The following TMEM132D variants were observed in gnomAD, a reference collection of about 807,000 sequenced individuals.
The protein encoded by TMEM132D is transmembrane protein 132D.
In TMEM132D, 21 loss-of-function variants were observed where a neutral mutation model predicts 62.3. The ratio of observed to expected loss-of-function variants is 0.34; its 90% CI spans 0.24 to 0.49. The LOEUF is 0.49. TMEM132D is among the 20% of genes least tolerant of loss of function. The pLI, the probability that TMEM132D is intolerant of heterozygous loss-of-function variation, is 0.99. For synonymous variants in TMEM132D, 621 were observed against 575.6 expected, an observed-to-expected ratio of 1.08 and a Z score of -1.13; for missense variants, 1,346 against 1,402.8, an observed-to-expected ratio of 0.96 and a Z score of 0.65.
chr12:129,590,650 T>C (rs1878162339), intron 2 of TMEM132D, among the ~76,000 whole-genome samples: 2 of 152,118 alleles, frequency 1.3e-5, no homozygotes, highest in South Asian at 4.1e-4. Flanking sequence ...TCACAGAGGC[T>C]TAAATGAGAC....
intron 2 of TMEM132D, among the ~76,000 whole-genome samples, chr12:129,661,074 A>C (rs1450142584): frequency 6.6e-6 from 1 of 152,210 alleles, no homozygotes; most frequent in African/African-American, 2.4e-5. Context: ...AAGCATCTAA[A>C]AGGAGGGAAA....
At chr12:129,565,750 G>A (rs912923356) in intron 2 of TMEM132D, among the ~76,000 whole-genome samples, 10 of 152,204 alleles carry the variant, frequency 6.6e-5, no homozygotes, top group Admixed American at 5.9e-4. Flanking sequence ...CTTTCTTGGA[G>A]AGGAATCTTA....
intron 4 of TMEM132D, among the ~76,000 whole-genome samples, chr12:129,221,457 C>T (rs1879343584): frequency 6.6e-6 from 1 of 152,148 alleles, no homozygotes; most frequent in Admixed American, 6.5e-5. Context: ...TCACTCTATA[C>T]CTAATCATTA....
intron 5 of TMEM132D, among the ~76,000 whole-genome samples, chr12:129,150,579 A>C (rs1877043508): frequency 6.6e-6 from 1 of 152,176 alleles, no homozygotes; most frequent in Non-Finnish European, 1.5e-5. Flanking sequence ...GGGTGAAGGA[A>C]ACCTGCAGAG....
chr12:129,833,016 G>GATGCCTCTCGCAAATTACAA (rs1209385872), intron 1 of TMEM132D, among the ~76,000 whole-genome samples: 1 of 152,162 alleles, frequency 6.6e-6, no homozygotes, highest in African/African-American at 2.4e-5. Flanking sequence ...TCTTCACACT[G>GATGCCTCTCGCAAATTACAA]ATGCCTCTCG....
At chr12:129,255,616 T>C (rs1166272071) in intron 4 of TMEM132D, among the ~76,000 whole-genome samples, 2 of 152,210 alleles carry the variant, frequency 1.3e-5, no homozygotes, top group Non-Finnish European at 2.9e-5. Flanking sequence ...ATTTTGTTTA[T>C]CTGTGTTTAT....
chr12:129,473,529 C>A (rs1432699177), intron 3 of TMEM132D, among the ~76,000 whole-genome samples: 2 of 151,750 alleles, frequency 1.3e-5, no homozygotes, highest in African/African-American at 4.8e-5. Context: ...TGGGGTTTCG[C>A]TATATTGGCC....
chr12:129,167,450 A>C (rs1354647055), intron 5 of TMEM132D, among the ~76,000 whole-genome samples: 2 of 152,108 alleles, frequency 1.3e-5, no homozygotes, highest in East Asian at 3.9e-4. Context: ...TGGGCAGTCT[A>C]TTTGTCTACC....
Position 129,086,780 on chromosome 12 carries a change from G to A in TMEM132D, c.1444-2078C>T, listed in dbSNP as rs1401977522. 6.7e-5 allele frequency among the ~76,000 whole-genome samples: 10 copies of A among 150,124 alleles called. No individual in the cohort carries two copies. The East Asian group carries it at 1.2e-3, about 17-fold the overall frequency. On this transcript the variant is annotated intron_variant, in intron 5 of 8. Coordinates refer to ENST00000422113, the MANE Select transcript of TMEM132D (RefSeq NM_133448.3). ...ATATAAATTTGAAATATATATTTAT[G>A]TATATTGTATATAAATGTTATGAAA...
chr12:129,750,103 T>A (rs963433352), intron 1 of TMEM132D, among the ~76,000 whole-genome samples: 9 of 152,154 alleles, frequency 5.9e-5, no homozygotes, highest in Non-Finnish European at 1.3e-4. Flanking sequence ...TTATTTATTT[T>A]GAGATGGAGT....
In TMEM132D at chr12:129,900,976, G is replaced by T. The variant is rs555537638; in HGVS notation, c.79+2285C>A. The stretch of plus-strand genomic sequence containing the variant: ...TTTGTTCTATAACTAATCATTTTCT[G>T]CTTATGAAATATAAACGTGTAAGGC... On this transcript the variant is annotated intron_variant, in intron 1 of 8. Coordinates refer to ENST00000422113, the MANE Select transcript of TMEM132D (RefSeq NM_133448.3). Among the ~76,000 whole-genome samples, 3 of 152,284 alleles carry T rather than the reference G, an allele frequency of 2.0e-5. No homozygotes were observed. The East Asian group carries it at 5.8e-4, about 29-fold the overall frequency.
At chr12:129,457,528 A>G (rs1406185165) in intron 3 of TMEM132D, among the ~76,000 whole-genome samples, 1 of 151,576 alleles carries the variant, frequency 6.6e-6, no homozygotes, top group Non-Finnish European at 1.5e-5. Context: ...CCAACATGGC[A>G]CATGTATACA....
intron 3 of TMEM132D, among the ~76,000 whole-genome samples, chr12:129,523,854 C>T (rs1875929934): frequency 6.6e-6 from 1 of 152,108 alleles, no homozygotes; most frequent in Admixed American, 6.5e-5. Context: ...ATTACTGCTG[C>T]CTCCTGGCTG....
At chr12:129,238,694 T>C (rs1229292316) in intron 4 of TMEM132D, among the ~76,000 whole-genome samples, 1 of 152,246 alleles carries the variant, frequency 6.6e-6, no homozygotes, top group Non-Finnish European at 1.5e-5. Context: ...TTCCACTCTA[T>C]GTATAGATCA....
intron 5 of TMEM132D, among the ~76,000 whole-genome samples, chr12:129,199,370 G>C (rs961215716): frequency 5.3e-5 from 8 of 151,968 alleles, no homozygotes; most frequent in African/African-American, 1.9e-4. Context: ...CCAAATTGTT[G>C]GGATTACAGG....
chr12:129,198,939 T>G (rs1028095618), intron 5 of TMEM132D, among the ~76,000 whole-genome samples: 30 of 152,018 alleles, frequency 2.0e-4, no homozygotes, highest in Admixed American at 1.2e-3. Flanking sequence ...AGATAAAAAT[T>G]AAAACAGAAA....
At chr12:129,769,381 G>A (rs973884107) in intron 1 of TMEM132D, among the ~76,000 whole-genome samples, 2 of 152,138 alleles carry the variant, frequency 1.3e-5, no homozygotes, top group African/African-American at 4.8e-5. Context: ...AAAATCGTCA[G>A]ATCTCATGAG....
intron 3 of TMEM132D, among the ~76,000 whole-genome samples, chr12:129,507,998 G>A (rs1593042858): frequency 6.6e-6 from 1 of 152,150 alleles, no homozygotes; most frequent in East Asian, 1.9e-4. Flanking sequence ...CTTCTTTTGT[G>A]TACTCCTGAG....
rs560423546 is a variant in TMEM132D, at chr12:129,517,289, A to T, written c.1115+13770T>A. ...TTTACTTACCCTTAGCATTAGGAGA[A>T]TCAAGTTGGTTAAATTGAAACAAGC... On this transcript the variant is annotated intron_variant, in intron 3 of 8. Coordinates refer to ENST00000422113, the MANE Select transcript of TMEM132D (RefSeq NM_133448.3). 2.6e-4 allele frequency among the ~76,000 whole-genome samples: 40 copies of T among 152,326 alleles called. 1 individual carries two copies. The South Asian group carries it at 8.3e-3, about 32-fold the overall frequency.
Sources: gnomAD v4.1 joint callset for allele counts (sites outside exome capture counted in the v4.1 genomes callset) on GRCh38, gnomAD v4.1.1 for gene constraint, MANE v1.5 for transcripts, NCBI Gene and HGNC (gene_info 2026-07-23, HGNC 2026-07-21) for gene names.